Variants in TYR observed in about 807,000 individuals in gnomAD.
TYR encodes LB24-AB.
A neutral mutation model predicts 51.5 loss-of-function variants in TYR; 58 were observed. That is an observed-to-expected ratio of 1.13 (90% CI 0.91 to 1.40). The LOEUF is 1.40. TYR is among the 40% of genes most tolerant of loss of function. The pLI, the probability that TYR is intolerant of heterozygous loss-of-function variation, is 0.00. For synonymous variants in TYR, 263 were observed against 235.2 expected, an observed-to-expected ratio of 1.12 and a Z score of -1.08; for missense variants, 732 against 647.4, an observed-to-expected ratio of 1.13 and a Z score of -1.42.
At chr11:89,193,832 T>C (rs2135255325) in intron 2 of TYR, among the ~76,000 whole-genome samples, 1 of 151,736 alleles carries the variant, frequency 6.6e-6, no homozygotes, top group Non-Finnish European at 1.5e-5. Flanking sequence ...AAAACATGAA[T>C]ATATATTTTA....
chr11:89,246,743 GC>G (rs1447061719), intron 3 of TYR, among the ~76,000 whole-genome samples: 1 of 152,030 alleles, frequency 6.6e-6, no homozygotes, highest in Non-Finnish European at 1.5e-5. Context: ...TAACCCACAT[GC>G]CTTCAAACCA....
chr11:89,194,507 C>G (rs1209050793), intron 2 of TYR, among the ~76,000 whole-genome samples: 1 of 152,168 alleles, frequency 6.6e-6, no homozygotes, highest in East Asian at 1.9e-4. Flanking sequence ...TAAGACTATG[C>G]AAATACCTCA....
At chr11:89,288,613 A>G (rs907859970) in intron 4 of TYR, among the ~76,000 whole-genome samples, 1 of 152,042 alleles carries the variant, frequency 6.6e-6, no homozygotes, top group African/African-American at 2.4e-5. Flanking sequence ...GAATTTACAA[A>G]GTTAATTTTA....
chr11:89,253,666 C>G (rs1944356077), intron 3 of TYR, among the ~76,000 whole-genome samples: 1 of 151,150 alleles, frequency 6.6e-6, no homozygotes, highest in Admixed American at 6.6e-5. Flanking sequence ...GATTTGTGTA[C>G]ATTAATTTTG....
At chr11:89,274,680 G>A (rs928683887) in intron 3 of TYR, among the ~76,000 whole-genome samples, 3 of 151,852 alleles carry the variant, frequency 2.0e-5, no homozygotes, top group African/African-American at 7.2e-5. Flanking sequence ...GTTTTCTTAT[G>A]AGGAGGTTTT....
intron 3 of TYR, among the ~76,000 whole-genome samples, chr11:89,235,348 G>A (rs1944097390): frequency 6.6e-6 from 1 of 152,128 alleles, no homozygotes; most frequent in African/African-American, 2.4e-5. Flanking sequence ...AGTGAAATCA[G>A]TATGTCAAAG....
At chr11:89,182,026 C>T (rs1943306980) in intron 1 of TYR, among the ~76,000 whole-genome samples, 1 of 152,110 alleles carries the variant, frequency 6.6e-6, no homozygotes, top group African/African-American at 2.4e-5. Context: ...TACTGATCCA[C>T]CTCTGTTACT....
intron 2 of TYR, among the ~76,000 whole-genome samples, chr11:89,220,682 A>G (rs1943898575): frequency 6.6e-6 from 1 of 152,106 alleles, no homozygotes; most frequent in Non-Finnish European, 1.5e-5. Context: ...TGAACCTGGG[A>G]GGCGGAGGTT....
intron 2 of TYR, among the ~76,000 whole-genome samples, chr11:89,202,245 C>G (rs1051227484): frequency 1.4e-4 from 22 of 151,966 alleles, no homozygotes; most frequent in Non-Finnish European, 8.8e-5. Context: ...ACATTAGTCA[C>G]CTTGCTTCTC....
At position 89,197,627 on chromosome 11, in the gene TYR, G is replaced by T. The variant is rs543761541; in HGVS notation, c.1036+6209G>T. On this transcript the variant is annotated intron_variant, in intron 2 of 4. Coordinates refer to ENST00000263321, the MANE Select transcript of TYR (RefSeq NM_000372.5). ...TAGTGGCATTAGTAGAATGCAGAAA[G>T]ATAATCAGTGAGCTATTGGGGGGAG... Among the ~76,000 whole-genome samples, 4 of 152,154 alleles carry T rather than the reference G, an allele frequency of 2.6e-5. No homozygotes were observed. The South Asian group carries it at 8.3e-4, about 32-fold the overall frequency.
intron 1 of TYR, among the ~76,000 whole-genome samples, chr11:89,181,037 A>C (rs1943293670): frequency 6.6e-6 from 1 of 152,096 alleles, no homozygotes; most frequent in Non-Finnish European, 1.5e-5. Flanking sequence ...GTCTCCTGTG[A>C]GGTTGTAAAG....
rs773570665 is a variant in TYR, at chr11:89,178,127, C to G, written c.174C>G (p.Ile58Met). 5 of 1,614,198 alleles carry G rather than the reference C, an allele frequency of 3.1e-6. No individual in the cohort carries two copies. Among genetic ancestry groups the G allele is most frequent in the Non-Finnish European group, 4.2e-6 (5 of 1,180,018 alleles). ...CAGGCAGAGGTTCCTGTCAGAATAT[C>G]CTTCTGTCCAATGCACCACTTGGGC... Reference protein sequence around the residue: ...QLSGRGSCQNILLSNAPLGPQ... With the variant: ...QLSGRGSCQNMLLSNAPLGPQ... Residue 58 changes from isoleucine (I) to methionine (M), a missense_variant, in exon 1 of 5, where the codon ATC (isoleucine) becomes ATG (methionine). Physicochemically the swap from Ile to Met is conservative, Grantham distance 10. Coordinates refer to ENST00000263321, the MANE Select transcript of TYR (RefSeq NM_000372.5).
In TYR at chr11:89,295,400, T is replaced by G; in HGVS notation, c.*34T>G. ...GGCAATAGAGTAGGGCCAAAAAGCCTGACCTCACTCTAACTCAAAGTAATG... is the reference window on the plus strand; with the variant it reads ...GGCAATAGAGTAGGGCCAAAAAGCCGGACCTCACTCTAACTCAAAGTAATG... On this transcript the variant is annotated 3_prime_UTR_variant, in exon 5 of 5. Transcript: ENST00000263321. 1 of 1,540,872 alleles carries G rather than the reference T, an allele frequency of 6.5e-7. No homozygotes were observed. The highest frequency in any genetic ancestry group is 8.9e-7 in the Non-Finnish European group (1 of 1,124,256).
At chr11:89,211,043 A>C (rs978450392) in intron 2 of TYR, among the ~76,000 whole-genome samples, 1 of 152,202 alleles carries the variant, frequency 6.6e-6, no homozygotes, top group Non-Finnish European at 1.5e-5. Context: ...GCTATGAAGA[A>C]ACTGCATCAA....
At chr11:89,260,486 T>C (rs1382558897) in intron 3 of TYR, among the ~76,000 whole-genome samples, 2 of 151,856 alleles carry the variant, frequency 1.3e-5, no homozygotes, top group African/African-American at 4.8e-5. Flanking sequence ...GAAAGAGAAA[T>C]AAAGAAATTT....
intron 3 of TYR, among the ~76,000 whole-genome samples, chr11:89,229,401 G>A (rs979268556): frequency 5.9e-5 from 9 of 151,992 alleles, no homozygotes; most frequent in African/African-American, 1.4e-4. Flanking sequence ...TAAATTGAAC[G>A]CTTTTTAAAG....
intron 2 of TYR, among the ~76,000 whole-genome samples, chr11:89,203,791 CA>C (rs1406007785): frequency 6.6e-6 from 1 of 152,138 alleles, no homozygotes; most frequent in African/African-American, 2.4e-5. Flanking sequence ...AAAACACCAA[CA>C]AAAGCCTTCT....
intron 2 of TYR, among the ~76,000 whole-genome samples, chr11:89,212,571 TTC>T (rs1943774256): frequency 9.4e-6 from 1 of 105,924 alleles, no homozygotes; most frequent in African/African-American, 4.8e-5. Flanking sequence ...CAGGGAATCC[TTC>T]TTAATTCATT....
intron 3 of TYR, among the ~76,000 whole-genome samples, chr11:89,236,453 T>A (rs1944115138): frequency 6.6e-6 from 1 of 152,232 alleles, no homozygotes; most frequent in Admixed American, 6.6e-5. Context: ...AATTCTATTT[T>A]ACTATTAGAC....
Sources: allele counts gnomAD v4.1 joint callset (sites outside exome capture counted in the v4.1 genomes callset), GRCh38; gene constraint gnomAD v4.1.1; transcripts MANE v1.5; gene names NCBI Gene and HGNC (gene_info 2026-07-23, HGNC 2026-07-21).